SLC24A2: variants seen among roughly 807,000 people sequenced by gnomAD.
SLC24A2 encodes sodium/potassium/calcium exchanger 2.
A neutral mutation model predicts 62.0 loss-of-function variants in SLC24A2; 36 were observed. That is an observed-to-expected ratio of 0.58 (90% CI 0.44 to 0.77). The LOEUF (loss-of-function observed/expected upper bound fraction) is 0.77, where lower values mean the gene tolerates loss of function less well. SLC24A2 is among the 30% of genes least tolerant of loss of function. The pLI is 0.00. For synonymous variants in SLC24A2, 358 were observed against 294.0 expected, an observed-to-expected ratio of 1.22 and a Z score of -2.23; for missense variants, 846 against 817.9, an observed-to-expected ratio of 1.03 and a Z score of -0.42.
the SLC24A2 span, among the ~76,000 whole-genome samples, chr9:19,824,937 G>A: frequency 4.6e-5 from 7 of 152,212 alleles, no homozygotes; most frequent in South Asian, 1.0e-3. Context: ...ACCAAACACT[G>A]CATGTTCTCA....
At chr9:20,280,535 C>G in the SLC24A2 span, among the ~76,000 whole-genome samples, 1 of 152,154 alleles carries the variant, frequency 6.6e-6, no homozygotes, top group Admixed American at 6.5e-5. Flanking sequence ...TCAGTGGTGA[C>G]CATTGTTACT....
chr9:19,716,963 T>C (rs966847678), intron 2 of SLC24A2, among the ~76,000 whole-genome samples: 2 of 152,206 alleles, frequency 1.3e-5, no homozygotes, highest in African/African-American at 2.4e-5. Context: ...CACACATTCA[T>C]TGGTTCCACC....
At chr9:19,580,528 G>C (rs765424235) in intron 5 of SLC24A2, among the ~76,000 whole-genome samples, 3 of 152,236 alleles carry the variant, frequency 2.0e-5, no homozygotes, top group Non-Finnish European at 4.4e-5. Context: ...AGCCAGCAGA[G>C]AACCTGTGAT....
In SLC24A2 at chr9:19,618,989, T is replaced by C. The variant is rs944120096; in HGVS notation, c.1078+595A>G. ...ATAATGGGTTGTTTGTGATGGTTCA[T>C]GTGATTACACTGGGAAGTGAGCCAG... On this transcript the variant is annotated intron_variant, in intron 4 of 10. Coordinates refer to ENST00000341998, the MANE Select transcript of SLC24A2 (RefSeq NM_020344.4). Among the ~76,000 whole-genome samples the C allele has an allele frequency of 9.2e-5, 14 of 152,334 alleles. 1 individual carries two copies. The East Asian group carries it at 2.5e-3, about 27-fold the overall frequency.
the SLC24A2 span, among the ~76,000 whole-genome samples, chr9:20,037,350 T>C: frequency 6.6e-6 from 1 of 152,138 alleles, no homozygotes; most frequent in Non-Finnish European, 1.5e-5. Context: ...TGCCTGAATG[T>C]TTTCGATTTG....
rs1435903257 is a variant in SLC24A2, at chr9:19,513,491, G to T, written c.*2662C>A. ...GTGCACATGACTGATGTGGGAACGG[G>T]GCTTGGAAATTTTGTCTTCTCAAAT... On this transcript the variant is annotated 3_prime_UTR_variant, in exon 11 of 11. Coordinates refer to ENST00000341998, the MANE Select transcript of SLC24A2 (RefSeq NM_020344.4). The T allele has an allele frequency of 6.6e-6, 1 of 152,036 alleles. No homozygotes were observed. The highest frequency in any genetic ancestry group is 6.6e-5 in the Admixed American group (1 of 15,250). The allele number at this position is 152,036 out of a possible 1,614,324, so 9.4% of individuals were successfully genotyped here. A position where few individuals can be genotyped will look rare whatever the true frequency, so the allele number is the denominator to read the frequency against.
the SLC24A2 span, among the ~76,000 whole-genome samples, chr9:20,274,221 G>A: frequency 1.3e-5 from 2 of 152,164 alleles, no homozygotes; most frequent in South Asian, 2.1e-4. Flanking sequence ...TGGCTTCAAG[G>A]ACTATGGATA....
In SLC24A2 at chr9:19,547,831, A is replaced by G. The variant is rs918880500; in HGVS notation, c.1479+2306T>C. On this transcript the variant is annotated intron_variant, in intron 8 of 10. Transcript: ENST00000341998. ...TGGACTAAACAGCAGAGCAAGAGAG[A>G]GAGAGAGACAGACAGAGAGAGGAGA... 6.6e-5 allele frequency among the ~76,000 whole-genome samples: 10 copies of G among 151,808 alleles called. No homozygotes were observed. The East Asian group carries it at 9.6e-4, about 15-fold the overall frequency.
At chr9:20,010,487 T>A in the SLC24A2 span, among the ~76,000 whole-genome samples, 2 of 152,072 alleles carry the variant, frequency 1.3e-5, no homozygotes, top group African/African-American at 4.8e-5. Context: ...AAAATATGGA[T>A]ACAAAATTAA....
At chr9:20,135,484 G>A in the SLC24A2 span, among the ~76,000 whole-genome samples, 1 of 152,046 alleles carries the variant, frequency 6.6e-6, no homozygotes, top group Non-Finnish European at 1.5e-5. Flanking sequence ...CGTGGGGTAA[G>A]TAATTGCAGA....
the SLC24A2 span, among the ~76,000 whole-genome samples, chr9:20,265,169 G>A: frequency 6.6e-6 from 1 of 152,248 alleles, no homozygotes; most frequent in South Asian, 2.1e-4. Context: ...ATCATGTGAG[G>A]ATTAGAAAGG....
intron 2 of SLC24A2, among the ~76,000 whole-genome samples, chr9:19,706,424 T>C (rs199985098): frequency 2.0e-5 from 3 of 149,422 alleles, no homozygotes; most frequent in African/African-American, 7.4e-5. Context: ...CTGTCGCCCA[T>C]GCTGGAGTGC....
the SLC24A2 span, among the ~76,000 whole-genome samples, chr9:19,946,834 C>T: frequency 6.6e-6 from 1 of 152,218 alleles, no homozygotes; most frequent in South Asian, 2.1e-4. Context: ...CCCAGTTAAT[C>T]ACATCAAAGA....
At chr9:20,305,765 C>T in the SLC24A2 span, among the ~76,000 whole-genome samples, 2 of 152,154 alleles carry the variant, frequency 1.3e-5, no homozygotes, top group Non-Finnish European at 2.9e-5. Context: ...CAATGGCAAG[C>T]GGCTGAATTG....
chr9:20,017,493 G>C, the SLC24A2 span, among the ~76,000 whole-genome samples: 1 of 152,168 alleles, frequency 6.6e-6, no homozygotes, highest in Non-Finnish European at 1.5e-5. Context: ...TAAAGGGACA[G>C]AACTAATAGG....
chr9:19,663,003 G>C (rs567000389), intron 2 of SLC24A2, among the ~76,000 whole-genome samples: 93 of 152,280 alleles, frequency 6.1e-4, no homozygotes, highest in Admixed American at 2.2e-3. Context: ...AACGTCAGTT[G>C]ATCTTTATAA....
chr9:20,257,539 C>A, the SLC24A2 span, among the ~76,000 whole-genome samples: 1 of 152,082 alleles, frequency 6.6e-6, no homozygotes, highest in Admixed American at 6.5e-5. Context: ...AAACTAGTGG[C>A]GTGTCATTGG....
chr9:20,000,670 G>A, the SLC24A2 span, among the ~76,000 whole-genome samples: 1 of 152,240 alleles, frequency 6.6e-6, no homozygotes, highest in South Asian at 2.1e-4. Context: ...TTGCACTGGA[G>A]TTTCTTATGT....
chr9:20,095,751 G>A, the SLC24A2 span, among the ~76,000 whole-genome samples: 4 of 150,026 alleles, frequency 2.7e-5, no homozygotes, highest in African/African-American at 9.8e-5. Flanking sequence ...CCAAGACTGG[G>A]TAATTTATTA....
Sources: allele counts gnomAD v4.1 joint callset (sites outside exome capture counted in the v4.1 genomes callset), GRCh38; gene constraint gnomAD v4.1.1; transcripts MANE v1.5; gene names NCBI Gene and HGNC (gene_info 2026-07-23, HGNC 2026-07-21).